DLG2: variants seen among roughly 807,000 people sequenced by gnomAD.
DLG2 encodes discs large MAGUK scaffold protein 2.
In DLG2, 45 loss-of-function variants were observed where a neutral mutation model predicts 132.5. That is an observed-to-expected ratio of 0.34 (90% CI 0.27 to 0.44). The LOEUF (loss-of-function observed/expected upper bound fraction) is 0.44, where lower values mean the gene tolerates loss of function less well. Among genes scored for constraint, DLG2 ranks in the 20% least tolerant of loss-of-function variants. The probability of loss-of-function intolerance (pLI) is 1.00; values close to 1 mark genes in which losing one functional copy is unlikely to be tolerated. For synonymous variants in DLG2, 424 were observed against 419.6 expected (o/e 1.01, Z -0.13); for missense variants, 1,045 against 1,196.9 (o/e 0.87, Z 1.87).
rs759625493 is a variant in DLG2, at chr11:85,592,958, GAAAAGAAAAA to G, written c.40+5689_40+5698del. On this transcript the variant is annotated intron_variant, in intron 3 of 27. Coordinates refer to ENST00000376104, the MANE Select transcript of DLG2 (RefSeq NM_001142699.3). Reference sequence around the variant, plus strand: ...ACAGACAAGACTGAGAAAAAAGAAAGAAAAGAAAAAAAAAGAAAAGAAAAGAAAAAAGAAG... The same window carrying G: ...ACAGACAAGACTGAGAAAAAAGAAAGAAAAGAAAAGAAAAGAAAAAAGAAG... Among the ~76,000 whole-genome samples the G allele has an allele frequency of 1.2e-3, 125 of 107,670 alleles. 2 individuals carry two copies. The highest frequency in any genetic ancestry group is 4.2e-3 in the Middle Eastern group (1 of 238). The allele number at this position is 107,670 out of a possible 152,430, so 70.6% of individuals were successfully genotyped here. A position where few individuals can be genotyped will look rare whatever the true frequency, so the allele number is the denominator to read the frequency against.
intron 5 of DLG2, among the ~76,000 whole-genome samples, chr11:85,121,885 T>A (rs1293354345): frequency 6.6e-6 from 1 of 152,180 alleles, no homozygotes; most frequent in South Asian, 2.1e-4. Flanking sequence ...CTAAAACATT[T>A]GTGTATATGT....
chr11:84,507,646 T>C (rs2099245274), intron 7 of DLG2, among the ~76,000 whole-genome samples: 2 of 152,206 alleles, frequency 1.3e-5, no homozygotes, highest in Admixed American at 6.5e-5. Context: ...TTATATTCCT[T>C]TGATGCCTAG....
rs183676666 is a variant in DLG2, at chr11:85,485,667, G to A, written c.40+112990C>T. Among the ~76,000 whole-genome samples the A allele has an allele frequency of 2.1e-3, 322 of 152,228 alleles. 2 individuals are homozygous for A. Among genetic ancestry groups the A allele is most frequent in the African/African-American group, 7.5e-3 (312 of 41,544 alleles). Reference sequence around the variant, plus strand: ...AAAGGGTAAAAGAGAAACCCCCAGGGTTCTACACTCTCACCGCAGGCTTTT... The same window carrying A: ...AAAGGGTAAAAGAGAAACCCCCAGGATTCTACACTCTCACCGCAGGCTTTT... On this transcript the variant is annotated intron_variant, in intron 3 of 27. Coordinates refer to ENST00000376104, the MANE Select transcript of DLG2 (RefSeq NM_001142699.3).
chr11:83,985,708 T>C (rs1033534711), intron 11 of DLG2, among the ~76,000 whole-genome samples: 1 of 152,190 alleles, frequency 6.6e-6, no homozygotes, highest in Non-Finnish European at 1.5e-5. Flanking sequence ...TATGGCTACA[T>C]AGTATTCCAT....
At chr11:83,954,687 G>A (rs1034327051) in intron 14 of DLG2, among the ~76,000 whole-genome samples, 12 of 152,124 alleles carry the variant, frequency 7.9e-5, no homozygotes, top group Middle Eastern at 3.2e-3. Context: ...CCTAGAGTTA[G>A]CTATTGAGAG....
intron 19 of DLG2, among the ~76,000 whole-genome samples, chr11:83,590,219 A>T (rs1173537903): frequency 1.3e-5 from 2 of 150,956 alleles, no homozygotes; most frequent in Non-Finnish European, 3.0e-5. Flanking sequence ...ACCTATTCCA[A>T]AATTGACCAC....
intron 3 of DLG2, among the ~76,000 whole-genome samples, chr11:85,294,465 T>A (rs896914907): frequency 1.3e-5 from 2 of 152,066 alleles, no homozygotes; most frequent in Non-Finnish European, 2.9e-5. Context: ...GTATAATTAC[T>A]TGGAGATAAA....
At chr11:84,442,090 C>T (rs1365184281) in intron 7 of DLG2, among the ~76,000 whole-genome samples, 1 of 152,088 alleles carries the variant, frequency 6.6e-6, no homozygotes, top group East Asian at 1.9e-4. Flanking sequence ...GGGATTTTCT[C>T]GGCTATACAG....
At chr11:85,194,312 G>A (rs2080868311) in intron 4 of DLG2, among the ~76,000 whole-genome samples, 1 of 152,112 alleles carries the variant, frequency 6.6e-6, no homozygotes, top group Non-Finnish European at 1.5e-5. Context: ...CTTAGTGGGG[G>A]AAAGAGTATG....
At chr11:84,404,992 A>G (rs2098843619) in intron 7 of DLG2, among the ~76,000 whole-genome samples, 1 of 152,180 alleles carries the variant, frequency 6.6e-6, no homozygotes, top group South Asian at 2.1e-4. Flanking sequence ...CACTATTATA[A>G]TAGGGAAAAG....
chr11:85,294,430 A>G (rs1040744777), intron 3 of DLG2, among the ~76,000 whole-genome samples: 2 of 152,108 alleles, frequency 1.3e-5, no homozygotes, highest in Non-Finnish European at 2.9e-5. Context: ...GTAGAAGATC[A>G]GATCATTAGG....
chr11:83,868,808 C>T (rs973799304), intron 16 of DLG2, among the ~76,000 whole-genome samples: 1 of 152,110 alleles, frequency 6.6e-6, no homozygotes, highest in Non-Finnish European at 1.5e-5. Context: ...CTGTCCCCAA[C>T]ACTACTTAGC....
intron 4 of DLG2, among the ~76,000 whole-genome samples, chr11:85,221,421 A>G (rs960683205): frequency 1.4e-4 from 22 of 152,338 alleles, no homozygotes; most frequent in African/African-American, 4.6e-4. Flanking sequence ...ATAGAGTATT[A>G]GACAGATAGA....
chr11:84,625,703 T>C (rs543791433), intron 6 of DLG2, among the ~76,000 whole-genome samples: 1 of 152,366 alleles, frequency 6.6e-6, no homozygotes, highest in South Asian at 2.1e-4. Context: ...AATATCGGTA[T>C]GATGAAAATT....
chr11:84,334,754 A>T (rs990860055), intron 7 of DLG2, among the ~76,000 whole-genome samples: 13 of 152,176 alleles, frequency 8.5e-5, no homozygotes, highest in Non-Finnish European at 1.9e-4. Flanking sequence ...TTGAATAAAT[A>T]ACCTCAGAGA....
At chr11:84,322,678 A>T (rs982667378) in intron 7 of DLG2, among the ~76,000 whole-genome samples, 1 of 151,650 alleles carries the variant, frequency 6.6e-6, no homozygotes, top group Non-Finnish European at 1.5e-5. Context: ...CAACCTCCAC[A>T]TCCCAGGTTC....
chr11:84,856,133 G>A (rs947285159), intron 6 of DLG2, among the ~76,000 whole-genome samples: 1 of 151,970 alleles, frequency 6.6e-6, no homozygotes, highest in African/African-American at 2.4e-5. Flanking sequence ...ACTAAAATCT[G>A]CCTTCCCATA....
At chr11:84,863,240 T>C (rs1229712445) in intron 6 of DLG2, among the ~76,000 whole-genome samples, 1 of 152,134 alleles carries the variant, frequency 6.6e-6, no homozygotes, top group East Asian at 1.9e-4. Flanking sequence ...AGTTTCATTC[T>C]TCTAATAGCT....
At chr11:83,840,089 A>AT (rs750469974) in intron 16 of DLG2, among the ~76,000 whole-genome samples, 1 of 152,196 alleles carries the variant, frequency 6.6e-6, no homozygotes, top group Non-Finnish European at 1.5e-5. Flanking sequence ...ATGTTGCTTC[A>AT]TACCTCTACG....
Sources: allele counts gnomAD v4.1 joint callset (sites outside exome capture counted in the v4.1 genomes callset), GRCh38; gene constraint gnomAD v4.1.1; transcripts MANE v1.5; gene names NCBI Gene and HGNC (gene_info 2026-07-23, HGNC 2026-07-21).